Variants in KCNG3 observed in about 807,000 individuals in gnomAD.
The protein encoded by KCNG3 is voltage-gated potassium channel regulatory subunit KCNG3.
In KCNG3, 15 loss-of-function variants were observed where a neutral mutation model predicts 29.0. That is an observed-to-expected ratio of 0.52 (90% CI 0.35 to 0.80). The LOEUF (loss-of-function observed/expected upper bound fraction) is 0.80. Ranked by LOEUF, KCNG3 falls within the 30% of genes least tolerant of loss-of-function variation. KCNG3 has a pLI of 0.01. For synonymous variants in KCNG3, 322 were observed against 248.9 expected, an observed-to-expected ratio of 1.29 and a Z score of -2.76; for missense variants, 512 against 605.7, an observed-to-expected ratio of 0.85 and a Z score of 1.62.
At position 42,443,949 on chromosome 2, in the gene KCNG3, A is replaced by G. The variant is rs767335703; in HGVS notation, c.1296T>C (p.Thr432=). Residue 432 remains threonine, a synonymous_variant, in exon 2 of 2, where the codon ACT becomes ACC. Coordinates refer to ENST00000306078, the MANE Select transcript of KCNG3 (RefSeq NM_133329.6). ...TTGCAATGCATTAATTCAGGAATTC[A>G]GTGGAGAGGCTCCTACTATACCTAG... is the stretch of plus-strand genomic sequence containing the variant. The part of the protein sequence containing the change: ...RSARYSRSLS[T]EFLN 12 of 1,605,138 alleles carry G rather than the reference A, an allele frequency of 7.5e-6. No homozygotes were observed. In the South Asian group the frequency reaches 1.2e-4, roughly 16 times the overall value.
chr2:42,440,354 G>A (rs370756664), downstream of KCNG3: 2 of 152,080 alleles, frequency 1.3e-5, no homozygotes, highest in Non-Finnish European at 2.9e-5. Flanking sequence ...ACAGAGCTAG[G>A]AGCTTTCAAT....
the KCNG3 span, among the ~76,000 whole-genome samples, chr2:42,394,975 C>A: frequency 6.6e-6 from 1 of 152,184 alleles, no homozygotes; most frequent in South Asian, 2.1e-4. Context: ...TTGACACTGC[C>A]CTCACCTGTA....
At chr2:42,396,823 C>A in the KCNG3 span, among the ~76,000 whole-genome samples, 2 of 152,018 alleles carry the variant, frequency 1.3e-5, no homozygotes, top group Non-Finnish European at 2.9e-5. Context: ...CATGCTGTAA[C>A]CACTAAAAAT....
intron 1 of KCNG3, among the ~76,000 whole-genome samples, chr2:42,477,528 C>T (rs1231138294): frequency 9.4e-5 from 14 of 149,168 alleles, no homozygotes; most frequent in African/African-American, 3.0e-4. Flanking sequence ...CCCGGGTTCA[C>T]GCCGTTCTCC....
At chr2:42,451,148 T>C (rs990662226) in intron 1 of KCNG3, among the ~76,000 whole-genome samples, 2 of 125,590 alleles carry the variant, frequency 1.6e-5, no homozygotes, top group Admixed American at 1.1e-4. Flanking sequence ...GAGGTCGCAG[T>C]GAGCTGAGAT....
At chr2:42,491,574 A>G (rs1245499329) in intron 1 of KCNG3, among the ~76,000 whole-genome samples, 1 of 152,190 alleles carries the variant, frequency 6.6e-6, no homozygotes, top group Non-Finnish European at 1.5e-5. Context: ...CAAATAAGTA[A>G]CTCTTATCTG....
intron 1 of KCNG3, among the ~76,000 whole-genome samples, chr2:42,445,124 T>C (rs1362345393): frequency 1.3e-5 from 2 of 151,668 alleles, no homozygotes. Flanking sequence ...ACTTCTATGC[T>C]ACAATACTAT....
Position 42,444,932 on chromosome 2 carries a change from G to A in KCNG3, c.666-353C>T, listed in dbSNP as rs1672563732. On this transcript the variant is annotated intron_variant, in intron 1 of 1. Transcript: ENST00000306078. The surrounding 1 kb of genome is among the most constrained non-coding windows in gnomAD (Gnocchi z 5.8). ...AATACAAAAATCAGCTGGGCTTGGTGACACACACCTGTAGTACCACCTACC... is the reference window on the plus strand; with the variant it reads ...AATACAAAAATCAGCTGGGCTTGGTAACACACACCTGTAGTACCACCTACC... Among the ~76,000 whole-genome samples the A allele has an allele frequency of 6.6e-6, 1 of 151,856 alleles. No homozygotes were observed.
intron 1 of KCNG3, among the ~76,000 whole-genome samples, chr2:42,462,966 T>A (rs1673054384): frequency 6.6e-6 from 1 of 152,208 alleles, no homozygotes; most frequent in African/African-American, 2.4e-5. Flanking sequence ...GGAATTGGGT[T>A]TCTTCTGTAT....
the KCNG3 span, among the ~76,000 whole-genome samples, chr2:42,405,149 G>A: frequency 6.6e-6 from 1 of 152,236 alleles, no homozygotes; most frequent in African/African-American, 2.4e-5. Context: ...GAAGGAGATG[G>A]AAATAACTAT....
At chr2:42,472,691 G>C (rs1673318143) in intron 1 of KCNG3, among the ~76,000 whole-genome samples, 1 of 151,202 alleles carries the variant, frequency 6.6e-6, no homozygotes, top group Non-Finnish European at 1.5e-5. Flanking sequence ...GTAAAGACAG[G>C]GTTTCACCAC....
At chr2:42,459,810 A>C (rs1236602928) in intron 1 of KCNG3, among the ~76,000 whole-genome samples, 1 of 152,076 alleles carries the variant, frequency 6.6e-6, no homozygotes, top group South Asian at 2.1e-4. Flanking sequence ...CGCTGTCTCT[A>C]CTAAAAATAC....
At chr2:42,481,635 A>C (rs1397316385) in intron 1 of KCNG3, among the ~76,000 whole-genome samples, 1 of 152,216 alleles carries the variant, frequency 6.6e-6, no homozygotes, top group African/African-American at 2.4e-5. Flanking sequence ...TGGTGCATCT[A>C]TAAGGCGCTT....
chr2:42,390,969 G>C, the KCNG3 span, among the ~76,000 whole-genome samples: 97 of 152,250 alleles, frequency 6.4e-4, no homozygotes, highest in African/African-American at 2.2e-3. Flanking sequence ...ATTTCCCCCA[G>C]AGTCACCAAC....
chr2:42,413,230 C>T, the KCNG3 span, among the ~76,000 whole-genome samples: 1 of 152,148 alleles, frequency 6.6e-6, no homozygotes, highest in Non-Finnish European at 1.5e-5. Context: ...GTCTCAAACT[C>T]CTGGGCTCAA....
intron 1 of KCNG3, among the ~76,000 whole-genome samples, chr2:42,469,416 CAA>C (rs57425538): frequency 9.4e-5 from 7 of 74,386 alleles, no homozygotes; most frequent in Admixed American, 3.3e-4. Context: ...GACTCTGTCT[CAA>C]AAAAAAAAAA....
At chr2:42,474,510 G>C (rs1224572055) in intron 1 of KCNG3, among the ~76,000 whole-genome samples, 1 of 152,176 alleles carries the variant, frequency 6.6e-6, no homozygotes, top group Non-Finnish European at 1.5e-5. Context: ...CCTGGTGACA[G>C]AGCAAGACTC....
chr2:42,435,193 C>T, the KCNG3 span, among the ~76,000 whole-genome samples: 1 of 152,076 alleles, frequency 6.6e-6, no homozygotes, highest in African/African-American at 2.4e-5. Context: ...ATCCCAGCTA[C>T]TCAGGAGGCT....
At chr2:42,453,893 G>A (rs2103677649) in intron 1 of KCNG3, among the ~76,000 whole-genome samples, 1 of 152,170 alleles carries the variant, frequency 6.6e-6, no homozygotes, top group East Asian at 1.9e-4. Flanking sequence ...TTAATATAGT[G>A]AGATAAAGGG....
Sources: allele counts gnomAD v4.1 joint callset (sites outside exome capture counted in the v4.1 genomes callset), GRCh38; gene constraint gnomAD v4.1.1; non-coding constraint Gnocchi (gnomAD v3.1); transcripts MANE v1.5; gene names NCBI Gene and HGNC (gene_info 2026-07-23, HGNC 2026-07-21).